SGCZ: variants seen among roughly 807,000 people sequenced by gnomAD.
SGCZ encodes zeta-sarcoglycan.
A neutral mutation model predicts 41.3 loss-of-function variants in SGCZ; 40 were observed. The observed-to-expected ratio is 0.97, with a 90% confidence interval of 0.75 to 1.26. The LOEUF is 1.26. SGCZ is among the 50% of genes most tolerant of loss of function. SGCZ has a pLI of 0.00. For missense variants in SGCZ, 552 were observed against 369.8 expected (o/e 1.49, Z -4.04); for synonymous variants, 206 against 137.5 (o/e 1.50, Z -3.49).
intron 5 of SGCZ, among the ~76,000 whole-genome samples, chr8:14,146,009 T>C (rs180712700): frequency 6.6e-6 from 1 of 152,234 alleles, no homozygotes; most frequent in East Asian, 1.9e-4. Context: ...GAAAAAGGTA[T>C]GGGTAGAACA....
chr8:15,049,934 A>C (rs7822327), intron 1 of SGCZ, among the ~76,000 whole-genome samples: 151,598 of 152,214 alleles, frequency 1, 75,497 homozygotes, highest in Middle Eastern at 1. Flanking sequence ...TGAGTCCTCC[A>C]CAGCCATCTG....
At chr8:14,387,192 T>G (rs973682100) in intron 2 of SGCZ, among the ~76,000 whole-genome samples, 2 of 152,160 alleles carry the variant, frequency 1.3e-5, no homozygotes, top group Non-Finnish European at 2.9e-5. Context: ...GGACTACATG[T>G]GTGCACCATC....
intron 1 of SGCZ, among the ~76,000 whole-genome samples, chr8:14,854,309 CAAAACA>C (rs982409601): frequency 6.6e-6 from 1 of 151,260 alleles, no homozygotes; most frequent in African/African-American, 2.4e-5. Context: ...TCGCAATTCA[CAAAACA>C]AAAAGTTAAT....
intron 1 of SGCZ, among the ~76,000 whole-genome samples, chr8:14,720,457 A>G (rs1809846135): frequency 6.6e-6 from 1 of 152,120 alleles, no homozygotes. Flanking sequence ...TATTGCCAAT[A>G]TTGCCATTAT....
chr8:15,215,720 C>T lies in SGCZ; in HGVS notation c.39+21865G>A, dbSNP rs945941342. 3.3e-5 allele frequency among the ~76,000 whole-genome samples: 5 copies of T among 152,176 alleles called. No homozygotes were observed. In the South Asian group the frequency reaches 6.2e-4, roughly 19 times the overall value. ...GCTAAGGCAGTCTGACCCTGCCAAA[C>T]TGATCAGTTGTTAAAGAGCTCTGGA... is the stretch of plus-strand genomic sequence containing the variant. On this transcript the variant is annotated intron_variant, in intron 1 of 7. Coordinates refer to ENST00000382080, the MANE Select transcript of SGCZ (RefSeq NM_139167.4).
chr8:14,473,937 C>CAAA (rs11352108), intron 2 of SGCZ, among the ~76,000 whole-genome samples: 6 of 141,436 alleles, frequency 4.2e-5, no homozygotes, highest in Non-Finnish European at 6.1e-5. Context: ...GACCCTGTCT[C>CAAA]AAAAAAAAAA....
chr8:14,682,436 ATTT>A (rs11448326), intron 1 of SGCZ, among the ~76,000 whole-genome samples: 259 of 141,676 alleles, frequency 1.8e-3, no homozygotes, highest in African/African-American at 5.6e-3. Context: ...CTGCAATGCA[ATTT>A]TTTTTTTTTT....
chr8:15,066,803 A>G (rs1215597617), intron 1 of SGCZ, among the ~76,000 whole-genome samples: 1 of 152,338 alleles, frequency 6.6e-6, no homozygotes, highest in East Asian at 1.9e-4. Flanking sequence ...TTATTCACAG[A>G]AAAGTTGACA....
intron 1 of SGCZ, among the ~76,000 whole-genome samples, chr8:15,154,004 C>T (rs543050657): frequency 1.8e-4 from 27 of 152,108 alleles, no homozygotes; most frequent in African/African-American, 3.1e-4. Flanking sequence ...CTCACATGCA[C>T]GGTTCACGAT....
chr8:15,186,550 C>T (rs1472790134), intron 1 of SGCZ, among the ~76,000 whole-genome samples: 2 of 152,106 alleles, frequency 1.3e-5, no homozygotes, highest in African/African-American at 2.4e-5. Context: ...AAAGCATTAC[C>T]CTTGGAGCTT....
chr8:14,838,601 C>T lies in SGCZ; in HGVS notation c.40-283675G>A, dbSNP rs554697698. Among the ~76,000 whole-genome samples the T allele has an allele frequency of 6.6e-5, 10 of 152,254 alleles. No individual in the cohort carries two copies. In the South Asian group the frequency reaches 2.1e-3, roughly 32 times the overall value. On this transcript the variant is annotated intron_variant, in intron 1 of 7. Transcript: ENST00000382080. ...TTTACCTCCCCTGCCTTGCTTTTCC[C>T]TTAGAATTCCCAGTGAAGGCTCTAG...
chr8:14,258,808 C>G (rs1178388807), intron 3 of SGCZ, among the ~76,000 whole-genome samples: 1 of 152,102 alleles, frequency 6.6e-6, no homozygotes, highest in Non-Finnish European at 1.5e-5. Context: ...ACACGCAGCA[C>G]AATAGAAATA....
chr8:14,177,076 A>T (rs186905299), intron 4 of SGCZ, among the ~76,000 whole-genome samples: 1 of 152,248 alleles, frequency 6.6e-6, no homozygotes, highest in East Asian at 1.9e-4. Flanking sequence ...GCGATGAGTC[A>T]CTGGGAAGGA....
chr8:14,502,692 T>G (rs768366000), intron 2 of SGCZ, among the ~76,000 whole-genome samples: 14 of 151,892 alleles, frequency 9.2e-5, no homozygotes, highest in Non-Finnish European at 1.8e-4. Context: ...CCAATAAACA[T>G]GAAAAAAAGC....
intron 1 of SGCZ, among the ~76,000 whole-genome samples, chr8:14,597,358 A>G (rs953362967): frequency 6.6e-6 from 1 of 152,238 alleles, no homozygotes; most frequent in African/African-American, 2.4e-5. Context: ...CTTAGGTAGC[A>G]TTCAGTGCTT....
rs561397842 is a variant in SGCZ at position 14,963,301 on chromosome 8, G to C, written c.39+274284C>G. On this transcript the variant is annotated intron_variant, in intron 1 of 7. Transcript: ENST00000382080. Reference sequence around the variant, plus strand: ...AATGTAACAGTTCCAAACAGTGGAAGCTATCCAGTGAGGTATAAATTCATT... The same window carrying C: ...AATGTAACAGTTCCAAACAGTGGAACCTATCCAGTGAGGTATAAATTCATT... Among the ~76,000 whole-genome samples, 4 of 151,926 alleles carry C rather than the reference G, an allele frequency of 2.6e-5. No homozygotes were observed. The South Asian group carries it at 8.3e-4, about 32-fold the overall frequency.
At chr8:14,752,349 C>G (rs1377849803) in intron 1 of SGCZ, among the ~76,000 whole-genome samples, 1 of 152,116 alleles carries the variant, frequency 6.6e-6, no homozygotes, top group African/African-American at 2.4e-5. Flanking sequence ...TCTTAAGCTG[C>G]TTGATCACAT....
At chr8:14,897,485 C>T (rs73666925) in intron 1 of SGCZ, among the ~76,000 whole-genome samples, 3,534 of 152,238 alleles carry the variant, frequency 0.023, 137 homozygotes, top group African/African-American at 0.081. Context: ...CTCTTCTGTT[C>T]TCACAGGATT....
intron 3 of SGCZ, among the ~76,000 whole-genome samples, chr8:14,293,942 C>G (rs2116952495): frequency 6.6e-6 from 1 of 151,760 alleles, no homozygotes; most frequent in South Asian, 2.1e-4. Flanking sequence ...GGTATCAAGT[C>G]AAGACATACA....
Sources: allele counts gnomAD v4.1 joint callset (sites outside exome capture counted in the v4.1 genomes callset), GRCh38; gene constraint gnomAD v4.1.1; transcripts MANE v1.5; gene names NCBI Gene and HGNC (gene_info 2026-07-23, HGNC 2026-07-21).